Variants in IPO11 observed in about 807,000 individuals in gnomAD.
IPO11 encodes importin-11.
In IPO11, 66 loss-of-function variants were observed where a neutral mutation model predicts 143.2. The ratio of observed to expected loss-of-function variants is 0.46; its 90% CI spans 0.38 to 0.57. IPO11 has a LOEUF of 0.57. IPO11 is among the 20% of genes least tolerant of loss of function. The pLI, the probability that IPO11 is intolerant of heterozygous loss-of-function variation, is 0.00. For synonymous variants in IPO11, 385 were observed against 377.8 expected (o/e 1.02, Z -0.22); for missense variants, 1,026 against 1,141.0 (o/e 0.90, Z 1.45).
chr5:62,609,575 C>A, intron 29 of IPO11, among the ~76,000 whole-genome samples: 1 of 152,228 alleles, frequency 6.6e-6, no homozygotes, highest in Non-Finnish European at 1.5e-5. Context: ...AGTCCCTGCC[C>A]TCAAGGAGCT....
chr5:62,525,634 T>G (rs1742347297), intron 20 of IPO11, among the ~76,000 whole-genome samples: 1 of 152,358 alleles, frequency 6.6e-6, no homozygotes, highest in East Asian at 1.9e-4. Context: ...TCCTCCCGCC[T>G]TGGCCTCCCA....
intron 5 of IPO11, among the ~76,000 whole-genome samples, chr5:62,455,137 G>A (rs1745085853): frequency 6.6e-6 from 1 of 152,156 alleles, no homozygotes; most frequent in South Asian, 2.1e-4. Flanking sequence ...ATACAGCTGT[G>A]CCTATTATTT....
intron 1 of IPO11, among the ~76,000 whole-genome samples, chr5:62,420,126 T>TA (rs1041391971): frequency 1.1e-4 from 16 of 151,404 alleles, no homozygotes; most frequent in Non-Finnish European, 2.2e-4. Context: ...CTGTTTCTAC[T>TA]AAAAAAATAC....
chr5:62,514,030 G>T (rs2112282002), intron 19 of IPO11, among the ~76,000 whole-genome samples: 1 of 151,466 alleles, frequency 6.6e-6, no homozygotes, highest in African/African-American at 2.4e-5. Flanking sequence ...TTCCTAGATG[G>T]GATGGGGGCC....
intron 1 of IPO11, chr5:62,419,115 T>C: frequency 1.3e-6 from 2 of 1,549,932 alleles, no homozygotes; most frequent in Non-Finnish European, 1.7e-6. Context: ...CTGTAAGCAG[T>C]TGTCACAAAA....
At chr5:62,618,152 T>A (rs577873717) in intron 29 of IPO11, among the ~76,000 whole-genome samples, 12 of 152,298 alleles carry the variant, frequency 7.9e-5, no homozygotes, top group Middle Eastern at 3.4e-3. Flanking sequence ...ACAGGTTAAA[T>A]TATCTGACCA....
intron 29 of IPO11, among the ~76,000 whole-genome samples, chr5:62,626,465 C>T (rs993892378): frequency 1.3e-5 from 2 of 152,266 alleles, no homozygotes; most frequent in East Asian, 1.9e-4. Flanking sequence ...AGGATTCAAT[C>T]GGGTATATCA....
intron 1 of IPO11, chr5:62,419,181 A>G: frequency 2.0e-6 from 3 of 1,528,762 alleles, no homozygotes; most frequent in South Asian, 2.4e-5. Flanking sequence ...CTGTAAAAAT[A>G]CAGTGTAGAA....
At chr5:62,572,824 C>T (rs1744183907) in intron 27 of IPO11, among the ~76,000 whole-genome samples, 1 of 152,112 alleles carries the variant, frequency 6.6e-6, no homozygotes, top group Non-Finnish European at 1.5e-5. Context: ...CTCAAGCAGT[C>T]CGCCTGCCTG....
chr5:62,600,796 A>G (rs1265521503), intron 28 of IPO11, among the ~76,000 whole-genome samples: 1 of 151,976 alleles, frequency 6.6e-6, no homozygotes, highest in African/African-American at 2.4e-5. Flanking sequence ...TAAGGTTCTT[A>G]CTCTTTGATC....
intron 1 of IPO11, among the ~76,000 whole-genome samples, chr5:62,414,637 C>T (rs1474178410): frequency 1.3e-5 from 2 of 152,112 alleles, no homozygotes; most frequent in East Asian, 1.9e-4. Context: ...TGTTCTTTAC[C>T]CTTGCTACTC....
At chr5:62,531,583 C>T (rs934255599) in intron 22 of IPO11, among the ~76,000 whole-genome samples, 3 of 152,240 alleles carry the variant, frequency 2.0e-5, no homozygotes, top group African/African-American at 7.2e-5. Context: ...CTGCCTTGGC[C>T]TCCCAAAGCG....
At chr5:62,519,945 C>A (rs576637892) in intron 20 of IPO11, among the ~76,000 whole-genome samples, 1 of 152,308 alleles carries the variant, frequency 6.6e-6, no homozygotes, top group South Asian at 2.1e-4. Context: ...GTTCCCAAGT[C>A]CAGCCACATT....
intron 29 of IPO11, among the ~76,000 whole-genome samples, chr5:62,617,673 G>A (rs774349123): frequency 4.6e-5 from 7 of 151,628 alleles, no homozygotes; most frequent in Non-Finnish European, 1.0e-4. Context: ...TAAAGAGTTC[G>A]CCCCATTGCT....
chr5:62,551,753 C>G (rs1412620463), intron 26 of IPO11, among the ~76,000 whole-genome samples: 2 of 152,084 alleles, frequency 1.3e-5, no homozygotes, highest in African/African-American at 2.4e-5. Context: ...ACCTTTTTAG[C>G]AAAGGTTTAT....
intron 19 of IPO11, among the ~76,000 whole-genome samples, chr5:62,513,219 C>A (rs1474542429): frequency 2.6e-4 from 40 of 151,736 alleles, no homozygotes; most frequent in African/African-American, 7.2e-4. Context: ...GGGCGCTGAC[C>A]CCCCCATCTC....
intron 27 of IPO11, chr5:62,579,712 G>T: frequency 1.9e-6 from 3 of 1,548,454 alleles, no homozygotes; most frequent in African/African-American, 2.7e-5. Context: ...ATTGTATTTG[G>T]ATAATTCTAA....
At position 62,437,298 on chromosome 5, in the gene IPO11, A is replaced by G. The variant is rs1347177863; in HGVS notation, c.19A>G (p.Ser7Gly). The G allele has an allele frequency of 5.0e-6, 8 of 1,609,930 alleles. No individual in the cohort carries two copies. The Admixed American group carries it at 1.3e-4, about 27-fold the overall frequency. The change falls in exon 2 of 30, where the codon AGC becomes GGC. Residue 7 changes from serine (S) to glycine (G), a missense_variant. Coordinates refer to ENST00000325324, the MANE Select transcript of IPO11 (RefSeq NM_016338.5). MDLNSA[S>G]TVVLQVLTQA... is the part of the protein sequence containing the mutation. The stretch of plus-strand genomic sequence containing the variant: ...GGTTTCCATGGATCTCAATAGTGCC[A>G]GCACTGTTGTTCTTCAGGTGTTAAC...
chr5:62,428,574 C>T (rs1192046413), intron 1 of IPO11, among the ~76,000 whole-genome samples: 2 of 152,064 alleles, frequency 1.3e-5, no homozygotes, highest in African/African-American at 4.8e-5. Context: ...GAACTCCTGA[C>T]GTCGTGATCC....
Sources: gnomAD v4.1 joint callset for allele counts (sites outside exome capture counted in the v4.1 genomes callset) on GRCh38, gnomAD v4.1.1 for gene constraint, MANE v1.5 for transcripts, NCBI Gene and HGNC (gene_info 2026-07-23, HGNC 2026-07-21) for gene names.